Variants in CALD1 observed in about 807,000 individuals in gnomAD.
The protein encoded by CALD1 is caldesmon 1.
CALD1 carries 33 observed loss-of-function variants against 99.9 expected under a neutral mutation model. The ratio of observed to expected loss-of-function variants is 0.33; its 90% CI spans 0.25 to 0.44. The LOEUF is 0.44. CALD1 is among the 20% of genes least tolerant of loss of function. The pLI is 1.00. For missense variants in CALD1, 861 were observed against 962.1 expected, an observed-to-expected ratio of 0.89 and a Z score of 1.39; for synonymous variants, 310 against 325.0, an observed-to-expected ratio of 0.95 and a Z score of 0.50.
chr7:134,782,394 A>G (rs1312874692), intron 1 of CALD1, among the ~76,000 whole-genome samples: 2 of 152,234 alleles, frequency 1.3e-5, no homozygotes, highest in African/African-American at 4.8e-5. Context: ...AGAAGATACC[A>G]TTAGCTCCTT....
At chr7:134,962,698 A>T in intron 13 of CALD1, 2 of 388,714 alleles carry the variant, frequency 5.1e-6, no homozygotes, top group Non-Finnish European at 1.0e-5. Flanking sequence ...TTCAATTCTG[A>T]GTATGTCTGT....
intron 1 of CALD1, among the ~76,000 whole-genome samples, chr7:134,808,193 T>A (rs1411044159): frequency 6.6e-6 from 1 of 151,756 alleles, no homozygotes; most frequent in African/African-American, 2.4e-5. Context: ...TCCCAACTCC[T>A]GGGCTCAAGC....
Position 134,933,502 on chromosome 7 carries a change from G to T in CALD1, c.733G>T (p.Glu245Ter). 1 of 1,613,786 alleles carries T rather than the reference G, an allele frequency of 6.2e-7. No individual in the cohort carries two copies. The highest frequency in any genetic ancestry group is 8.5e-7 in the Non-Finnish European group (1 of 1,179,926). Reference protein sequence around the residue: ...SEEPKQEEEREQGSDEISHHE... With the variant: ...SEEPKQEEER The stretch of plus-strand genomic sequence containing the variant: ...AGAGCCTAAACAAGAGGAGGAGAGG[G>T]AACAAGGTTCAGATGAGATTTCCCA... The change falls in exon 5 of 15, where the codon GAA becomes TAA. Residue 245 changes from glutamate to a stop codon, truncating the protein, a stop_gained. Coordinates refer to ENST00000361675, the MANE Select transcript of CALD1 (RefSeq NM_033138.4). LOFTEE classifies it high-confidence loss of function.
the CALD1 span, among the ~76,000 whole-genome samples, chr7:134,717,494 A>G: frequency 6.6e-6 from 1 of 152,230 alleles, no homozygotes; most frequent in East Asian, 1.9e-4. Context: ...AACTAAATGT[A>G]CCTGCTTTGA....
At chr7:134,818,974 C>A (rs938009816) in intron 1 of CALD1, among the ~76,000 whole-genome samples, 2 of 152,188 alleles carry the variant, frequency 1.3e-5, no homozygotes, top group African/African-American at 4.8e-5. Flanking sequence ...AGATTTCAAT[C>A]CTGTTCAGTC....
chr7:134,785,951 A>G (rs774394910), intron 1 of CALD1, among the ~76,000 whole-genome samples: 3 of 152,334 alleles, frequency 2.0e-5, no homozygotes, highest in Non-Finnish European at 2.9e-5. Flanking sequence ...CAAGGAGTAC[A>G]TATAACTTTT....
chr7:134,763,904 C>T (rs1344241140), intron 1 of CALD1, among the ~76,000 whole-genome samples: 3 of 131,898 alleles, frequency 2.3e-5, no homozygotes, highest in African/African-American at 5.8e-5. Flanking sequence ...GGTGACAGGG[C>T]GAGACTCCAT....
chr7:134,911,171 T>C (rs187161678), intron 3 of CALD1, among the ~76,000 whole-genome samples: 1 of 152,072 alleles, frequency 6.6e-6, no homozygotes, highest in East Asian at 1.9e-4. Flanking sequence ...ATGATGAAAC[T>C]GAAACCTGAG....
the CALD1 span, among the ~76,000 whole-genome samples, chr7:134,724,073 T>C: frequency 6.6e-6 from 1 of 152,230 alleles, no homozygotes; most frequent in Admixed American, 6.5e-5. Flanking sequence ...AGCAGGAGAA[T>C]CTGTCCATAA....
chr7:134,802,257 A>G (rs1797976118), intron 1 of CALD1, among the ~76,000 whole-genome samples: 1 of 152,048 alleles, frequency 6.6e-6, no homozygotes, highest in Admixed American at 6.6e-5. Context: ...TTACACATCT[A>G]CTGTTCTGAT....
At chr7:134,719,750 G>A in the CALD1 span, among the ~76,000 whole-genome samples, 103 of 152,292 alleles carry the variant, frequency 6.8e-4, no homozygotes, top group African/African-American at 2.1e-3. Flanking sequence ...ACCCCAATCT[G>A]GTTTGGACAA....
chr7:134,947,752 C>G lies in CALD1; in HGVS notation c.1777C>G (p.Arg593Gly). The G allele has an allele frequency of 3.7e-6, 6 of 1,613,800 alleles. No individual in the cohort carries two copies. Among genetic ancestry groups the G allele is most frequent in the Non-Finnish European group, 5.1e-6 (6 of 1,179,890 alleles). The change falls in exon 8 of 15, where the codon CGA (arginine) becomes GGA (glycine). Residue 593 changes from arginine to glycine, a missense_variant. Arg to Gly is a moderately radical substitution (Grantham distance 125). Coordinates refer to ENST00000361675, the MANE Select transcript of CALD1 (RefSeq NM_033138.4). Reference protein sequence around the residue: ...EQRRKQEEADRKLREEEEKRR... With the variant: ...EQRRKQEEADGKLREEEEKRR... ...GAGGAGGAAGCAGGAGGAAGCCGAT[C>G]GAAAACTCAGAGAGGAGGTAAGGCG...
intron 8 of CALD1, 86 bp from the exon 9 acceptor site, chr7:134,950,288 C>T: frequency 1.5e-6 from 2 of 1,374,058 alleles, no homozygotes. Flanking sequence ...TGCTGCCTCT[C>T]CAACTGTGCT....
At chr7:134,825,349 C>T (rs113237461) in intron 1 of CALD1, among the ~76,000 whole-genome samples, 2,758 of 152,126 alleles carry the variant, frequency 0.018, 39 homozygotes, top group Non-Finnish European at 0.028. Flanking sequence ...GTAATGTACC[C>T]GCATTAAAAT....
At chr7:134,943,032 T>C (rs1806575755) in intron 7 of CALD1, among the ~76,000 whole-genome samples, 1 of 152,200 alleles carries the variant, frequency 6.6e-6, no homozygotes, top group Admixed American at 6.5e-5. Context: ...AGGAACAAGC[T>C]GCTACCATAT....
In CALD1 at chr7:134,969,565, T is replaced by C. The variant is rs937512411; in HGVS notation, c.*1220T>C. 1 of 152,186 alleles carries C rather than the reference T, an allele frequency of 6.6e-6. No individual in the cohort carries two copies. Among genetic ancestry groups the C allele is most frequent in the African/African-American group, 2.4e-5 (1 of 41,452 alleles). The allele number at this position is 152,186 out of a possible 1,614,324, so 9.4% of individuals were successfully genotyped here. A position where few individuals can be genotyped will look rare whatever the true frequency, so the allele number is the denominator to read the frequency against. The stretch of plus-strand genomic sequence containing the variant: ...AAGCAGAGAAGTAAAGTGAGCAAAA[T>C]CCAGTGTTGAGGAGTCATGACAGTA... On this transcript the variant is annotated 3_prime_UTR_variant, in exon 15 of 15. Transcript: ENST00000361675.
chr7:134,759,177 C>T (rs1478649185), intron 1 of CALD1, among the ~76,000 whole-genome samples: 1 of 152,102 alleles, frequency 6.6e-6, no homozygotes, highest in Non-Finnish European at 1.5e-5. Context: ...AAACTAGAGT[C>T]TAGAATATAC....
chr7:134,913,293 G>A (rs1304089473), intron 3 of CALD1, among the ~76,000 whole-genome samples: 1 of 152,060 alleles, frequency 6.6e-6, no homozygotes, highest in Non-Finnish European at 1.5e-5. Context: ...ATTAGGCTAT[G>A]ACTGTCATTT....
chr7:134,857,816 G>C (rs3800742), intron 2 of CALD1, among the ~76,000 whole-genome samples: 24,875 of 152,000 alleles, frequency 0.16, 2,851 homozygotes, highest in African/African-American at 0.32. Context: ...ATGATGAATA[G>C]AAGTCAAATA....
Sources: allele counts gnomAD v4.1 joint callset (sites outside exome capture counted in the v4.1 genomes callset), GRCh38; gene constraint gnomAD v4.1.1; transcripts MANE v1.5; gene names NCBI Gene and HGNC (gene_info 2026-07-23, HGNC 2026-07-21).